The following MTCL2 variants were observed in gnomAD, a reference collection of about 807,000 sequenced individuals.
The protein encoded by MTCL2 is microtubule crosslinking factor 2, also known as microtubule cross-linking factor 2.
chr20:36,827,677 CT>C, the MTCL2 span, among the ~76,000 whole-genome samples: 9 of 152,100 alleles, frequency 5.9e-5, no homozygotes, highest in Admixed American at 1.3e-4. Context: ...GATAAAGAAA[CT>C]GAGACTTAGA....
the MTCL2 span, among the ~76,000 whole-genome samples, chr20:36,852,809 C>T: frequency 6.6e-6 from 1 of 152,296 alleles, no homozygotes; most frequent in African/African-American, 2.4e-5. Context: ...GTAATCCCAG[C>T]ACTTTGGGAG....
the MTCL2 span, among the ~76,000 whole-genome samples, chr20:36,802,056 C>A: frequency 5.3e-5 from 8 of 152,130 alleles, no homozygotes; most frequent in Admixed American, 3.3e-4. Context: ...GAGGCTGAGG[C>A]GGGAGGATCA....
chr20:36,863,047 G>C, the MTCL2 span: 1 of 1,406,670 alleles, frequency 7.1e-7, no homozygotes, highest in Non-Finnish European at 9.3e-7. This position sits in a 1 kb window ranked among gnomAD's most constrained non-coding sequence, Gnocchi z 6.2. Context: ...GAGCGCGGAC[G>C]GCCCTTGGCA....
At chr20:36,829,513 C>CTTT in the MTCL2 span, among the ~76,000 whole-genome samples, 106 of 106,500 alleles carry the variant, frequency 1.0e-3, no homozygotes, top group Middle Eastern at 5.2e-3. Context: ...TTACCTGAGG[C>CTTT]TTTTTTTTTT....
the MTCL2 span, chr20:36,808,550 C>CAA: frequency 6.2e-7 from 1 of 1,607,312 alleles, no homozygotes; most frequent in South Asian, 1.1e-5. Flanking sequence ...CAAAACCTTG[C>CAA]CCTGCCGCCA....
the MTCL2 span, among the ~76,000 whole-genome samples, chr20:36,857,882 G>A: frequency 2.0e-5 from 3 of 152,248 alleles, no homozygotes; most frequent in East Asian, 1.9e-4. Flanking sequence ...CTCCATCTGC[G>A]TCCTCACATT....
the MTCL2 span, chr20:36,777,779 G>T: frequency 1.6e-6 from 1 of 609,248 alleles, no homozygotes; most frequent in Non-Finnish European, 2.9e-6. Flanking sequence ...GGGGTTCACA[G>T]TATTGGCGGG....
the MTCL2 span, among the ~76,000 whole-genome samples, chr20:36,841,866 G>T: frequency 7.8e-6 from 1 of 128,028 alleles, no homozygotes; most frequent in Non-Finnish European, 1.6e-5. Context: ...ATCGGGGGTG[G>T]GGGGTGGGGT....
the MTCL2 span, among the ~76,000 whole-genome samples, chr20:36,821,894 A>C: frequency 6.6e-6 from 1 of 152,210 alleles, no homozygotes; most frequent in Admixed American, 6.6e-5. Flanking sequence ...GGGGAAGGGA[A>C]AAGTCATTAT....
chr20:36,846,773 G>A, the MTCL2 span, among the ~76,000 whole-genome samples: 5 of 152,192 alleles, frequency 3.3e-5, no homozygotes, highest in African/African-American at 4.8e-5. Context: ...TTGGGAGGCC[G>A]AGGCGGATGG....
the MTCL2 span, among the ~76,000 whole-genome samples, chr20:36,819,248 G>A: frequency 6.6e-6 from 1 of 152,160 alleles, no homozygotes; most frequent in Non-Finnish European, 1.5e-5. Context: ...GTGATTCCTG[G>A]TGGTGGTGTA....
the MTCL2 span, among the ~76,000 whole-genome samples, chr20:36,787,758 C>T: frequency 1.5e-4 from 22 of 148,770 alleles, no homozygotes; most frequent in African/African-American, 5.0e-4. Context: ...TGGTGGCATG[C>T]GCCTGTAGTC....
At chr20:36,793,416 G>C in the MTCL2 span, 61 of 1,551,450 alleles carry the variant, frequency 3.9e-5, no homozygotes, top group Middle Eastern at 2.3e-3. The surrounding 1 kb of genome is among the most constrained non-coding windows in gnomAD (Gnocchi z 6.8). Flanking sequence ...GGGGAGAGGG[G>C]CTCTGGCTTC....
the MTCL2 span, among the ~76,000 whole-genome samples, chr20:36,822,446 C>T: frequency 6.6e-6 from 1 of 152,264 alleles, no homozygotes; most frequent in Non-Finnish European, 1.5e-5. Flanking sequence ...ACAAGGCCAT[C>T]TTTGAGCAGC....
the MTCL2 span, among the ~76,000 whole-genome samples, chr20:36,830,287 C>A: frequency 6.6e-6 from 1 of 152,120 alleles, no homozygotes; most frequent in Non-Finnish European, 1.5e-5. Context: ...CTTTGAGGGG[C>A]TGGACACGGT....
At chr20:36,834,213 A>G in the MTCL2 span, among the ~76,000 whole-genome samples, 1 of 151,672 alleles carries the variant, frequency 6.6e-6, no homozygotes, top group Non-Finnish European at 1.5e-5. Context: ...GCCAGGCAGC[A>G]TTCTGGACTC....
the MTCL2 span, among the ~76,000 whole-genome samples, chr20:36,858,852 G>A: frequency 2.0e-5 from 3 of 152,058 alleles, no homozygotes; most frequent in African/African-American, 4.8e-5. Context: ...GTGCAGTGGC[G>A]CCATCTCGGA....
the MTCL2 span, among the ~76,000 whole-genome samples, chr20:36,850,177 A>G: frequency 6.6e-6 from 1 of 151,536 alleles, no homozygotes; most frequent in Non-Finnish European, 1.5e-5. Context: ...GAGCCCACCC[A>G]CTCCCATGGG....
the MTCL2 span, chr20:36,785,926 G>T: frequency 2.0e-6 from 2 of 987,618 alleles, no homozygotes; most frequent in Non-Finnish European, 2.4e-6. Flanking sequence ...GCAATCTAGA[G>T]CAGTGGGGCT....
Sources: gnomAD v4.1 joint callset for allele counts (sites outside exome capture counted in the v4.1 genomes callset) on GRCh38, gnomAD v4.1.1 for gene constraint, Gnocchi (gnomAD v3.1) non-coding constraint, MANE v1.5 for transcripts, NCBI Gene and HGNC (gene_info 2026-07-23, HGNC 2026-07-21) for gene names.